ALPK2: variants seen among roughly 807,000 people sequenced by gnomAD.
ALPK2 encodes alpha-protein kinase 2.
ALPK2 carries 127 observed loss-of-function variants against 163.1 expected under a neutral mutation model. The observed-to-expected ratio is 0.78, with a 90% CI of 0.67 to 0.90. ALPK2 has a LOEUF of 0.90. Among genes scored for constraint, ALPK2 ranks in the 40% least tolerant of loss-of-function variants. ALPK2 has a pLI of 0.00. For synonymous variants in ALPK2, 953 were observed against 959.1 expected (o/e 0.99, Z 0.12); for missense variants, 2,360 against 2,589.6 (o/e 0.91, Z 1.92).
rs143568457 is a variant in ALPK2 at position 58,570,508 on chromosome 18, T to C, written c.1962+8306A>G. Among the ~76,000 whole-genome samples the C allele has an allele frequency of 5.3e-4, 80 of 152,356 alleles. No homozygotes were observed. The East Asian group carries it at 0.01, about 19-fold the overall frequency. On this transcript the variant is annotated intron_variant, in intron 4 of 12. Transcript: ENST00000361673. ...CACATCAGCTCAAATCTGCTTAGCATAGAAGAAGTAAATTTTCTGCTGATA... is the reference window on the plus strand; with the variant it reads ...CACATCAGCTCAAATCTGCTTAGCACAGAAGAAGTAAATTTTCTGCTGATA...
Position 58,578,731 on chromosome 18 carries a change from G to GACAC in ALPK2, c.1962+82_1962+83insGTGT, listed in dbSNP as rs1478568401. Reference sequence around the variant, plus strand: ...CAATTGTGAATGTGAAGTAAAGGAAGAGACACACACACACACACACACACA... The same window carrying GACAC: ...CAATTGTGAATGTGAAGTAAAGGAAGACACAGACACACACACACACACACACACA... On this transcript the variant is annotated intron_variant, in intron 4 of 12. Coordinates refer to ENST00000361673, the MANE Select transcript of ALPK2 (RefSeq NM_052947.4). 125 of 104,272 alleles carry GACAC rather than the reference G, an allele frequency of 1.2e-3. 2 individuals carry two copies. The African/African-American group carries it at 0.019, about 16-fold the overall frequency. 6.5% of individuals were successfully genotyped at this position (104,272 alleles called of 1,614,324 possible).
At chr18:58,613,179 G>A (rs1444223420) in intron 1 of ALPK2, among the ~76,000 whole-genome samples, 1 of 152,182 alleles carries the variant, frequency 6.6e-6, no homozygotes, top group African/African-American at 2.4e-5. Context: ...GTTCCCCGAG[G>A]ACAGTTCAAG....
At chr18:58,612,780 C>T (rs2144233499) in intron 1 of ALPK2, among the ~76,000 whole-genome samples, 1 of 152,348 alleles carries the variant, frequency 6.6e-6, no homozygotes, top group East Asian at 1.9e-4. Context: ...CTTCACTTGG[C>T]CAGACCTCTC....
At chr18:58,546,471 A>T (rs150927750) in intron 4 of ALPK2, among the ~76,000 whole-genome samples, 240 of 152,324 alleles carry the variant, frequency 1.6e-3, no homozygotes, top group Middle Eastern at 6.8e-3. Flanking sequence ...TTTATTGTAC[A>T]TCTCAGGTGA....
At chr18:58,483,506 T>G (rs1020876890) in intron 12 of ALPK2, among the ~76,000 whole-genome samples, 1 of 151,398 alleles carries the variant, frequency 6.6e-6, no homozygotes, top group East Asian at 1.9e-4. Context: ...TCCTTCCTCC[T>G]TTTTCTAGAT....
At chr18:58,549,190 A>G (rs184937981) in intron 4 of ALPK2, among the ~76,000 whole-genome samples, 34 of 152,354 alleles carry the variant, frequency 2.2e-4, no homozygotes, top group African/African-American at 7.7e-4. Context: ...CTTAGAAGAC[A>G]TCAGCATAAC....
chr18:58,584,926 A>G (rs1485488211), intron 3 of ALPK2, among the ~76,000 whole-genome samples: 1 of 152,236 alleles, frequency 6.6e-6, no homozygotes, highest in East Asian at 1.9e-4. Flanking sequence ...ACAGGAATGC[A>G]AAACCATCCA....
chr18:58,618,772 C>A (rs143639143), intron 1 of ALPK2, among the ~76,000 whole-genome samples: 186 of 152,300 alleles, frequency 1.2e-3, no homozygotes, highest in African/African-American at 4.2e-3. Context: ...ATCTGCATCC[C>A]CCTTTCCCCC....
At chr18:58,588,607 C>G (rs1284879170) in intron 3 of ALPK2, among the ~76,000 whole-genome samples, 1 of 152,150 alleles carries the variant, frequency 6.6e-6, no homozygotes, top group Non-Finnish European at 1.5e-5. Flanking sequence ...CCGACAGGCC[C>G]CAGTGTGTGT....
chr18:58,533,583 T>C (rs981675442), intron 5 of ALPK2, among the ~76,000 whole-genome samples: 6 of 151,430 alleles, frequency 4.0e-5, no homozygotes, highest in Non-Finnish European at 7.4e-5. Flanking sequence ...AGCCGCAGAG[T>C]AGCTGGGACT....
intron 12 of ALPK2, among the ~76,000 whole-genome samples, chr18:58,494,954 C>A (rs2051393983): frequency 6.6e-6 from 1 of 152,168 alleles, no homozygotes; most frequent in African/African-American, 2.4e-5. Context: ...CGCCTCCCAG[C>A]ATTGAGGATC....
At chr18:58,613,038 G>A (rs2052141777) in intron 1 of ALPK2, among the ~76,000 whole-genome samples, 1 of 152,210 alleles carries the variant, frequency 6.6e-6, no homozygotes, top group African/African-American at 2.4e-5. Context: ...AATTAAAGCA[G>A]CCACAGCTGT....
At position 58,525,722 on chromosome 18, in the gene ALPK2, C is replaced by T. The variant is rs572646350; in HGVS notation, c.5502-1660G>A. Among the ~76,000 whole-genome samples, 9 of 152,062 alleles carry T rather than the reference C, an allele frequency of 5.9e-5. No individual in the cohort carries two copies. In the South Asian group the frequency reaches 6.2e-4, roughly 11 times the overall value. Reference sequence around the variant, plus strand: ...GTGAAAGCAGAATGAGCAAGATCACCGCTCAGATGTGTCATGAGGAGTAAC... The same window carrying T: ...GTGAAAGCAGAATGAGCAAGATCACTGCTCAGATGTGTCATGAGGAGTAAC... On this transcript the variant is annotated intron_variant, in intron 6 of 12. Transcript: ENST00000361673.
At chr18:58,548,485 T>A (rs1389684362) in intron 4 of ALPK2, among the ~76,000 whole-genome samples, 6 of 152,168 alleles carry the variant, frequency 3.9e-5, no homozygotes, top group African/African-American at 1.4e-4. Flanking sequence ...CATGGCCAGC[T>A]AATTTTTGTA....
chr18:58,589,599 T>C (rs1225094723), intron 3 of ALPK2, among the ~76,000 whole-genome samples: 1 of 152,160 alleles, frequency 6.6e-6, no homozygotes, highest in Non-Finnish European at 1.5e-5. Flanking sequence ...CCCATCAAAA[T>C]GATATACTCT....
intron 4 of ALPK2, chr18:58,543,401 G>C (rs2051701512): frequency 2.0e-6 from 2 of 985,430 alleles, no homozygotes; most frequent in Non-Finnish European, 2.4e-6. Context: ...CCACACAGGA[G>C]CTTGTGGAGG....
chr18:58,607,156 G>A (rs556147549), intron 3 of ALPK2, among the ~76,000 whole-genome samples, 166 bp downstream of exon 3: 5 of 152,364 alleles, frequency 3.3e-5, no homozygotes, highest in East Asian at 1.9e-4. Flanking sequence ...GCAGAGCTCA[G>A]GAAATCATCA....
Position 58,580,036 on chromosome 18 carries a change from A to G in ALPK2, c.740T>C (p.Leu247Pro). ...TTCATCATGAGGACCATCATTGTTC[A>G]GGTCACCATCCGTGAACTTTGATGC... ...SMASKFTDGD[L>P]NNDGPHDEGL... The change falls in exon 4 of 13, where the codon CTG (leucine) becomes CCG (proline). Residue 247 changes from leucine (L) to proline (P), a missense_variant. Leu to Pro is a moderately conservative substitution (Grantham distance 98). Transcript: ENST00000361673. The G allele has an allele frequency of 6.2e-7, 1 of 1,614,264 alleles. No individual in the cohort carries two copies. Among genetic ancestry groups the G allele is most frequent in the South Asian group, 1.1e-5 (1 of 91,088 alleles).
chr18:58,601,945 A>C (rs1216748645), intron 3 of ALPK2, among the ~76,000 whole-genome samples: 2 of 152,226 alleles, frequency 1.3e-5, no homozygotes, highest in South Asian at 2.1e-4. Context: ...TGTACTGTCC[A>C]ATGTTCAACA....
Sources: gnomAD v4.1 joint callset for allele counts (sites outside exome capture counted in the v4.1 genomes callset) on GRCh38, gnomAD v4.1.1 for gene constraint, MANE v1.5 for transcripts, NCBI Gene and HGNC (gene_info 2026-07-23, HGNC 2026-07-21) for gene names.